Variants in CNTNAP2 observed in about 807,000 individuals in gnomAD.
CNTNAP2 encodes contactin-associated protein-like 2.
A neutral mutation model predicts 155.2 loss-of-function variants in CNTNAP2; 98 were observed. That is an observed-to-expected ratio of 0.63 (90% CI 0.54 to 0.75). The LOEUF is 0.75. Ranked by LOEUF, CNTNAP2 falls within the 30% of genes least tolerant of loss-of-function variation. CNTNAP2 has a pLI of 0.00. For synonymous variants in CNTNAP2, 651 were observed against 631.2 expected, an observed-to-expected ratio of 1.03 and a Z score of -0.47; for missense variants, 1,727 against 1,688.1, an observed-to-expected ratio of 1.02 and a Z score of -0.40.
At chr7:147,968,385 A>G (rs2116851874) in intron 14 of CNTNAP2, among the ~76,000 whole-genome samples, 1 of 152,298 alleles carries the variant, frequency 6.6e-6, no homozygotes, top group African/African-American at 2.4e-5. Flanking sequence ...TAAAGATCTC[A>G]TTGTCATGGT....
At chr7:146,143,447 G>A (rs1408480332) in intron 1 of CNTNAP2, among the ~76,000 whole-genome samples, 5 of 151,956 alleles carry the variant, frequency 3.3e-5, no homozygotes, top group Admixed American at 2.0e-4. Flanking sequence ...TTTAAATTAC[G>A]CTGTCTCATT....
chr7:147,914,735 G>T (rs964523197), intron 14 of CNTNAP2, among the ~76,000 whole-genome samples: 2 of 151,934 alleles, frequency 1.3e-5, no homozygotes, highest in Non-Finnish European at 2.9e-5. Context: ...ATTTTTTGTA[G>T]AGATGGGGGT....
In CNTNAP2 at chr7:148,286,096, C is replaced by T. The variant is rs149844154; in HGVS notation, c.3475+18970C>T. Among the ~76,000 whole-genome samples, 293 of 152,178 alleles carry T rather than the reference C, an allele frequency of 1.9e-3. 3 individuals carry two copies. The highest frequency in any genetic ancestry group is 6.6e-3 in the African/African-American group (273 of 41,510). On this transcript the variant is annotated intron_variant, in intron 21 of 23. Coordinates refer to ENST00000361727, the MANE Select transcript of CNTNAP2 (RefSeq NM_014141.6). ...GTGGAACATCATAAAGGTCTTCATC[C>T]TCATCTTCTTCACATTGAGTAGGCT...
chr7:148,010,558 A>G (rs577722170), intron 15 of CNTNAP2, among the ~76,000 whole-genome samples: 57 of 151,906 alleles, frequency 3.8e-4, no homozygotes, highest in African/African-American at 1.2e-3. Flanking sequence ...CTAAGGGTTC[A>G]GTTTCTTATT....
intron 1 of CNTNAP2, among the ~76,000 whole-genome samples, chr7:146,187,253 C>T (rs534841660): frequency 1.2e-3 from 175 of 152,166 alleles, no homozygotes; most frequent in African/African-American, 4.1e-3. Flanking sequence ...GCGTTAGCAC[C>T]CTTGCTTCAG....
rs572540026 is a variant in CNTNAP2 at position 147,710,683 on chromosome 7, G to A, written c.2098+71377G>A. The stretch of plus-strand genomic sequence containing the variant: ...ATATTATTTGACTTCATATATAAAT[G>A]TGCTCTAAAAATGTTGAATGAATAT... On this transcript the variant is annotated intron_variant, in intron 13 of 23. Coordinates refer to ENST00000361727, the MANE Select transcript of CNTNAP2 (RefSeq NM_014141.6). Among the ~76,000 whole-genome samples, 9 of 152,152 alleles carry A rather than the reference G, an allele frequency of 5.9e-5. No individual in the cohort carries two copies. In the South Asian group the frequency reaches 1.7e-3, roughly 28 times the overall value.
intron 21 of CNTNAP2, among the ~76,000 whole-genome samples, chr7:148,337,175 C>G (rs1798134998): frequency 6.6e-6 from 1 of 152,086 alleles, no homozygotes; most frequent in African/African-American, 2.4e-5. Flanking sequence ...AACGGTGCAG[C>G]AGACACCCCA....
chr7:147,133,028 A>G (rs919873120), intron 8 of CNTNAP2, among the ~76,000 whole-genome samples: 1 of 152,144 alleles, frequency 6.6e-6, no homozygotes, highest in African/African-American at 2.4e-5. Context: ...AGGTGGAATG[A>G]CAAGATTTGT....
chr7:147,945,936 C>A (rs1179617349), intron 14 of CNTNAP2, among the ~76,000 whole-genome samples: 1 of 142,610 alleles, frequency 7.0e-6, no homozygotes, highest in Non-Finnish European at 1.5e-5. Context: ...GGTGCCATCT[C>A]GGCTCATGGC....
At chr7:147,883,527 T>C (rs1799556646) in intron 13 of CNTNAP2, among the ~76,000 whole-genome samples, 1 of 152,210 alleles carries the variant, frequency 6.6e-6, no homozygotes, top group African/African-American at 2.4e-5. Context: ...TGCAAATGTA[T>C]GTTCAGAGAT....
intron 1 of CNTNAP2, among the ~76,000 whole-genome samples, chr7:146,446,768 A>C (rs1436776203): frequency 6.6e-6 from 1 of 152,042 alleles, no homozygotes; most frequent in Non-Finnish European, 1.5e-5. Context: ...ATCTACTTGA[A>C]ATATACAGTA....
intron 5 of CNTNAP2, among the ~76,000 whole-genome samples, chr7:147,116,261 G>A (rs1800987517): frequency 6.6e-6 from 1 of 152,186 alleles, no homozygotes; most frequent in African/African-American, 2.4e-5. Flanking sequence ...GAAGTGGTTG[G>A]AGACTACTGT....
intron 3 of CNTNAP2, among the ~76,000 whole-genome samples, chr7:146,979,592 C>A (rs373513115): frequency 1.2e-4 from 19 of 152,122 alleles, no homozygotes; most frequent in South Asian, 4.2e-4. Context: ...GAAATAGGTC[C>A]GTGAAAGCAG....
At chr7:146,805,015 A>G (rs115137108) in intron 2 of CNTNAP2, among the ~76,000 whole-genome samples, 1 of 152,336 alleles carries the variant, frequency 6.6e-6, no homozygotes, top group African/African-American at 2.4e-5. Context: ...CATTTATTTT[A>G]GTTGCTCTGA....
intron 6 of CNTNAP2, among the ~76,000 whole-genome samples, chr7:147,124,863 T>C (rs554982443): frequency 1.4e-5 from 2 of 139,708 alleles, no homozygotes; most frequent in East Asian, 2.3e-4. Context: ...TATGTGGACA[T>C]TTCCTTTTTT....
chr7:146,564,556 A>G (rs1429442958), intron 1 of CNTNAP2, among the ~76,000 whole-genome samples: 2 of 148,636 alleles, frequency 1.3e-5, no homozygotes, highest in African/African-American at 4.9e-5. Context: ...TTGCAAATAA[A>G]TATTATATAA....
At chr7:147,503,133 G>A (rs7788685) in intron 11 of CNTNAP2, among the ~76,000 whole-genome samples, 27,424 of 152,080 alleles carry the variant, frequency 0.18, 2,588 homozygotes, top group African/African-American at 0.2. Flanking sequence ...GCAAGCCCAC[G>A]CTCCCCTTGA....
At chr7:146,603,201 A>G (rs913740285) in intron 1 of CNTNAP2, among the ~76,000 whole-genome samples, 4 of 151,348 alleles carry the variant, frequency 2.6e-5, no homozygotes, top group African/African-American at 9.7e-5. Flanking sequence ...TCATGAGGTC[A>G]GGAGATCGAG....
intron 1 of CNTNAP2, among the ~76,000 whole-genome samples, chr7:146,580,076 G>A (rs993813575): frequency 4.6e-5 from 7 of 152,028 alleles, no homozygotes; most frequent in Admixed American, 3.9e-4. Context: ...TGTATTTTCA[G>A]TAAGCAGTTA....
Sources: gnomAD v4.1 joint callset for allele counts (sites outside exome capture counted in the v4.1 genomes callset) on GRCh38, gnomAD v4.1.1 for gene constraint, MANE v1.5 for transcripts, NCBI Gene and HGNC (gene_info 2026-07-23, HGNC 2026-07-21) for gene names.